The following CDK14 variants were observed in gnomAD, a reference collection of about 807,000 sequenced individuals.
CDK14 encodes cyclin dependent kinase 14.
Under a neutral mutation model 60.7 loss-of-function variants are expected in CDK14, and 34 were observed. The ratio of observed to expected loss-of-function variants is 0.56; its 90% CI spans 0.43 to 0.75. The LOEUF is 0.75. Among genes scored for constraint, CDK14 ranks in the 30% least tolerant of loss-of-function variants. The pLI is 0.00. For synonymous variants in CDK14, 197 were observed against 203.7 expected (o/e 0.97, Z 0.28); for missense variants, 482 against 564.1 (o/e 0.85, Z 1.47).
chr7:90,864,747 A>G (rs919965149), intron 6 of CDK14, among the ~76,000 whole-genome samples: 1 of 152,224 alleles, frequency 6.6e-6, no homozygotes, highest in East Asian at 1.9e-4. Context: ...GTTGCCAAAT[A>G]AAAGGAAATA....
chr7:90,705,997 G>T (rs545602744), intron 2 of CDK14, among the ~76,000 whole-genome samples: 5 of 152,088 alleles, frequency 3.3e-5, no homozygotes, highest in South Asian at 2.1e-4. Flanking sequence ...CTCATATAAA[G>T]ACAGGCATTT....
intron 4 of CDK14, among the ~76,000 whole-genome samples, chr7:90,775,293 G>A (rs73707877): frequency 0.015 from 2,336 of 152,234 alleles, 51 homozygotes; most frequent in African/African-American, 0.052. Flanking sequence ...AGAAGATTAG[G>A]AATGAATGGG....
At chr7:91,174,067 T>A (rs1801632473) in intron 14 of CDK14, among the ~76,000 whole-genome samples, 1 of 152,142 alleles carries the variant, frequency 6.6e-6, no homozygotes, top group South Asian at 2.1e-4. Flanking sequence ...GTATGACAGC[T>A]TTGAAGAGAG....
chr7:90,736,513 A>G (rs7796430), intron 3 of CDK14, among the ~76,000 whole-genome samples: 138,852 of 151,926 alleles, frequency 0.91, 63,571 homozygotes, highest in East Asian at 1. Context: ...GCATGGGAAA[A>G]CAAGGGAGCC....
chr7:91,079,679 TC>T (rs1474231363), intron 12 of CDK14, among the ~76,000 whole-genome samples, 199 bp downstream of exon 12: 1 of 152,206 alleles, frequency 6.6e-6, no homozygotes, highest in African/African-American at 2.4e-5. Context: ...GAATTTGAGT[TC>T]CTAGAGCGAT....
chr7:91,087,969 CA>C (rs1562898982), intron 12 of CDK14, among the ~76,000 whole-genome samples: 2 of 152,078 alleles, frequency 1.3e-5, no homozygotes, highest in Admixed American at 6.5e-5. Context: ...GACAGTTTTC[CA>C]AATTAGATTG....
In CDK14 at chr7:91,101,342, A is replaced by G. The variant is rs543104475; in HGVS notation, c.1155-11200A>G. ...TCATCTGGATCAAATAAAATAATACATGGGAAGGCATTTTGTGAACTGTAG... is the reference window on the plus strand; with the variant it reads ...TCATCTGGATCAAATAAAATAATACGTGGGAAGGCATTTTGTGAACTGTAG... On this transcript the variant is annotated intron_variant, in intron 12 of 14. Coordinates refer to ENST00000380050, the MANE Select transcript of CDK14 (RefSeq NM_001287135.2). 1.4e-4 allele frequency among the ~76,000 whole-genome samples: 21 copies of G among 152,258 alleles called. No individual in the cohort carries two copies. The East Asian group carries it at 4.0e-3, about 29-fold the overall frequency.
chr7:90,612,643 G>T (rs927188641), intron 2 of CDK14, among the ~76,000 whole-genome samples: 7 of 151,854 alleles, frequency 4.6e-5, no homozygotes, highest in African/African-American at 1.7e-4. Context: ...GTGGTGGTGG[G>T]TACCTGTAAT....
rs568084315 is a variant in CDK14 at position 90,841,590 on chromosome 7, A to G, written c.545-21585A>G. 9.2e-5 allele frequency among the ~76,000 whole-genome samples: 14 copies of G among 151,568 alleles called. No individual in the cohort carries two copies. In the South Asian group the frequency reaches 2.9e-3, roughly 32 times the overall value. On this transcript the variant is annotated intron_variant, in intron 5 of 14. Coordinates refer to ENST00000380050, the MANE Select transcript of CDK14 (RefSeq NM_001287135.2). ...ACAGAGCAGTTGCTTACGAAGCAGC[A>G]CTTACCTACAGCAGCACTTCCTTAT...
chr7:90,859,417 T>A (rs1790931464), intron 5 of CDK14, among the ~76,000 whole-genome samples: 1 of 152,170 alleles, frequency 6.6e-6, no homozygotes, highest in South Asian at 2.1e-4. Flanking sequence ...AGTACTTTAT[T>A]TTTGCCTTCT....
intron 12 of CDK14, among the ~76,000 whole-genome samples, chr7:91,092,364 G>A (rs1469717159): frequency 1.3e-5 from 2 of 152,194 alleles, no homozygotes; most frequent in African/African-American, 4.8e-5. Flanking sequence ...TCTGCTGGGA[G>A]TCATACTATA....
chr7:90,752,022 T>C (rs1803866317), intron 4 of CDK14, among the ~76,000 whole-genome samples: 1 of 152,320 alleles, frequency 6.6e-6, no homozygotes, highest in East Asian at 1.9e-4. Context: ...ACAACCAGAT[T>C]CCTGAAACAA....
chr7:90,786,197 G>C (rs1036917714), intron 4 of CDK14, among the ~76,000 whole-genome samples: 12 of 152,182 alleles, frequency 7.9e-5, no homozygotes, highest in Admixed American at 6.5e-5. Flanking sequence ...ACAGCTTAAA[G>C]CAACTACAGG....
At chr7:90,678,837 A>G (rs35267692) in intron 2 of CDK14, among the ~76,000 whole-genome samples, 27,432 of 152,186 alleles carry the variant, frequency 0.18, 2,605 homozygotes, top group Non-Finnish European at 0.2. Context: ...GTGATCACAT[A>G]CTTCTGTATT....
chr7:90,920,830 T>G (rs1793227135), intron 8 of CDK14, among the ~76,000 whole-genome samples: 1 of 152,230 alleles, frequency 6.6e-6, no homozygotes, highest in African/African-American at 2.4e-5. Context: ...TCAACCTTAG[T>G]AGACTTTACC....
chr7:90,625,427 A>C (rs1799857053), intron 2 of CDK14, among the ~76,000 whole-genome samples: 1 of 152,234 alleles, frequency 6.6e-6, no homozygotes, highest in Admixed American at 6.5e-5. Flanking sequence ...TTCCTCTCCT[A>C]TTTAGATGTT....
chr7:91,184,282 C>CA (rs111896079), intron 14 of CDK14, among the ~76,000 whole-genome samples: 8,548 of 119,648 alleles, frequency 0.071, 282 homozygotes, highest in East Asian at 0.1. Flanking sequence ...GAGATCCTCT[C>CA]AAAAAAAAAA....
chr7:91,037,422 T>C (rs1796963592), intron 10 of CDK14, among the ~76,000 whole-genome samples: 1 of 152,116 alleles, frequency 6.6e-6, no homozygotes, highest in Non-Finnish European at 1.5e-5. Flanking sequence ...TGTGTATGTG[T>C]GCGCGCGCAT....
At chr7:90,622,927 T>C (rs1799803645) in intron 2 of CDK14, among the ~76,000 whole-genome samples, 1 of 149,976 alleles carries the variant, frequency 6.7e-6, no homozygotes, top group Non-Finnish European at 1.5e-5. Context: ...TTTTTTCTTT[T>C]TTTTTTTTTT....
Sources: gnomAD v4.1 joint callset for allele counts (sites outside exome capture counted in the v4.1 genomes callset) on GRCh38, gnomAD v4.1.1 for gene constraint, MANE v1.5 for transcripts, NCBI Gene and HGNC (gene_info 2026-07-23, HGNC 2026-07-21) for gene names.